The following DYNC2H1 variants were observed in gnomAD, a reference collection of about 807,000 sequenced individuals.
The protein encoded by DYNC2H1 is dynein cytoplasmic 2 heavy chain 1.
A neutral mutation model predicts 570.0 loss-of-function variants in DYNC2H1; 410 were observed. That is an observed-to-expected ratio of 0.72 (90% CI 0.66 to 0.78). DYNC2H1 has a LOEUF of 0.78. Among genes scored for constraint, DYNC2H1 ranks in the 30% least tolerant of loss-of-function variants. DYNC2H1 has a pLI of 0.00. For synonymous variants in DYNC2H1, 1,688 were observed against 1,677.6 expected (o/e 1.01, Z -0.15); for missense variants, 4,865 against 5,046.4 (o/e 0.96, Z 1.09).
At chr11:103,279,811 C>T (rs1200899653) in intron 70 of DYNC2H1, among the ~76,000 whole-genome samples, 2 of 152,154 alleles carry the variant, frequency 1.3e-5, no homozygotes, top group Non-Finnish European at 1.5e-5. Flanking sequence ...AGTGATAACA[C>T]ATTGAAGGAA....
At chr11:103,426,629 A>C (rs1374440892) in intron 84 of DYNC2H1, among the ~76,000 whole-genome samples, 2 of 152,206 alleles carry the variant, frequency 1.3e-5, no homozygotes, top group African/African-American at 4.8e-5. Flanking sequence ...AGATTTTTCA[A>C]CATCCATGCA....
At position 103,254,604 on chromosome 11, in the gene DYNC2H1, G is replaced by T. The variant is rs1269298927; in HGVS notation, c.10207-811G>T. Among the ~76,000 whole-genome samples the T allele has an allele frequency of 6.6e-6, 1 of 152,074 alleles. No individual in the cohort carries two copies. The highest frequency in any genetic ancestry group is 1.9e-4 in the East Asian group (1 of 5,192). ...TTGAGAAACAAATCTTTCCAAAGTG[G>T]CTGCACTATTTACTTTCCCACCAGA... On this transcript the variant is annotated intron_variant, in intron 66 of 88. Coordinates refer to ENST00000375735, the MANE Select transcript of DYNC2H1 (RefSeq NM_001377.3). This position sits in a 1 kb window ranked among gnomAD's most constrained non-coding sequence, Gnocchi z 4.9.
chr11:103,266,862 A>G (rs568457030), intron 70 of DYNC2H1, among the ~76,000 whole-genome samples: 1 of 152,320 alleles, frequency 6.6e-6, no homozygotes, highest in East Asian at 1.9e-4. Context: ...TGCTCAGGTT[A>G]AAACAGCCAG....
intron 84 of DYNC2H1, among the ~76,000 whole-genome samples, chr11:103,417,132 T>C (rs1371648766): frequency 1.3e-5 from 2 of 152,046 alleles, no homozygotes; most frequent in Non-Finnish European, 2.9e-5. Flanking sequence ...CAGGCTGGAG[T>C]ACAGTGGCAC....
chr11:103,211,941 C>A lies in DYNC2H1; in HGVS notation c.8692C>A (p.Gln2898Lys). The change falls in exon 54 of 89, where the codon CAG (glutamine) becomes AAG (lysine). Residue 2898 changes from glutamine to lysine, a missense_variant and splice_region_variant. This residue lies in a region of DYNC2H1 where 2,401 missense variants were observed against 2,454.6 expected (regional missense o/e 0.98). Transcript: ENST00000375735. Reference sequence around the variant, plus strand: ...ATTATTAAAAAGACAAAGTCATTTGCAGGTATAGTATTGGTAATCTTGAAT... The same window carrying A: ...ATTATTAAAAAGACAAAGTCATTTGAAGGTATAGTATTGGTAATCTTGAAT... ...KELLKRQSHL[Q>K]AGVSKLNEAK... The A allele has an allele frequency of 6.6e-7, 1 of 1,518,674 alleles. No individual in the cohort carries two copies. The highest frequency in any genetic ancestry group is 8.8e-7 in the Non-Finnish European group (1 of 1,132,492). The allele number at this position is 1,518,674 out of a possible 1,614,324, so 94.1% of individuals were successfully genotyped here. A position where few individuals can be genotyped will look rare whatever the true frequency, so the allele number is the denominator to read the frequency against.
intron 11 of DYNC2H1, among the ~76,000 whole-genome samples, chr11:103,124,404 G>A (rs546930576): frequency 6.9e-4 from 91 of 131,970 alleles, no homozygotes; most frequent in African/African-American, 2.5e-3. Context: ...CATGATCGCT[G>A]TACTGCACTC....
intron 63 of DYNC2H1, among the ~76,000 whole-genome samples, chr11:103,242,993 G>A (rs533878565): frequency 5.3e-5 from 8 of 152,026 alleles, no homozygotes; most frequent in Non-Finnish European, 8.8e-5. Context: ...CCACCACACC[G>A]GGCCTGACTT....
intron 87 of DYNC2H1, among the ~76,000 whole-genome samples, chr11:103,457,374 T>C (rs1346483938): frequency 6.6e-6 from 1 of 152,120 alleles, no homozygotes; most frequent in Non-Finnish European, 1.5e-5. Context: ...ATTGTAACCA[T>C]AGGAGATGAC....
intron 81 of DYNC2H1, among the ~76,000 whole-genome samples, chr11:103,321,961 T>C (rs1028822836): frequency 6.6e-6 from 1 of 152,164 alleles, no homozygotes; most frequent in African/African-American, 2.4e-5. Context: ...TTGTGCTGTT[T>C]CCTTTCATCC....
At chr11:103,310,053 C>CAT (rs1252358404) in intron 78 of DYNC2H1, among the ~76,000 whole-genome samples, 2 of 151,898 alleles carry the variant, frequency 1.3e-5, no homozygotes, top group South Asian at 2.1e-4. Flanking sequence ...TATGTATGTG[C>CAT]ATATATATAA....
intron 47 of DYNC2H1, among the ~76,000 whole-genome samples, chr11:103,194,701 A>G (rs1223078357): frequency 6.6e-6 from 1 of 151,552 alleles, no homozygotes; most frequent in African/African-American, 2.4e-5. Flanking sequence ...CATTTCTTTT[A>G]TCCATTTTTC....
At chr11:103,345,824 T>G (rs1400200717) in intron 82 of DYNC2H1, among the ~76,000 whole-genome samples, 1 of 152,168 alleles carries the variant, frequency 6.6e-6, no homozygotes. Context: ...AAGAGAGATG[T>G]TAGAAAACAG....
chr11:103,346,264 C>A (rs533725008), intron 82 of DYNC2H1, among the ~76,000 whole-genome samples: 49 of 152,238 alleles, frequency 3.2e-4, no homozygotes, highest in Admixed American at 1.3e-3. Context: ...TTAGAAAAGT[C>A]ACAAGTTCTT....
At position 103,219,948 on chromosome 11, in the gene DYNC2H1, C is replaced by A; in HGVS notation, c.8866C>A (p.Leu2956Met). ...TGAGCAAAAAACAGAACTTGAAAGA[C>A]TGAAGCACAGAATAGCAGAAGAAGT... Reference protein sequence around the residue: ...ASEQKTELERLKHRIAEEVVK... With the variant: ...ASEQKTELERMKHRIAEEVVK... The change falls in exon 56 of 89, where the codon CTG becomes ATG. Residue 2956 changes from leucine to methionine, a missense_variant. Transcript: ENST00000375735. The A allele has an allele frequency of 6.6e-7, 1 of 1,519,144 alleles. No individual in the cohort carries two copies. Among genetic ancestry groups the A allele is most frequent in the Admixed American group, 2.5e-5 (1 of 40,014 alleles). 94.1% of individuals were successfully genotyped at this position (1,519,144 alleles called of 1,614,324 possible).
intron 66 of DYNC2H1, 142 bp downstream of exon 66, chr11:103,253,590 G>A (rs1864927060): frequency 1.2e-6 from 1 of 806,644 alleles, no homozygotes; most frequent in South Asian, 2.6e-5. Flanking sequence ...ATGTTGGAGT[G>A]AAGCATTCTG....
At chr11:103,294,360 C>A (rs1866735321) in intron 75 of DYNC2H1, among the ~76,000 whole-genome samples, 1 of 152,072 alleles carries the variant, frequency 6.6e-6, no homozygotes, top group Non-Finnish European at 1.5e-5. Context: ...CTTGAGAGGG[C>A]TTTCTAGGAA....
Position 103,324,675 on chromosome 11 carries a change from A to G in DYNC2H1, c.12039+685A>G, listed in dbSNP as rs1199712505. On this transcript the variant is annotated intron_variant, in intron 82 of 88. Coordinates refer to ENST00000375735, the MANE Select transcript of DYNC2H1 (RefSeq NM_001377.3). The surrounding 1 kb of genome is among the most constrained non-coding windows in gnomAD (Gnocchi z 5.2). ...GTGGGTAGTGCTGCAGTGAACATTC[A>G]TGTGCATATGTCTTTATGGTAGAAC... is the stretch of plus-strand genomic sequence containing the variant. Among the ~76,000 whole-genome samples the G allele has an allele frequency of 6.6e-6, 1 of 152,162 alleles. No individual in the cohort carries two copies. The highest frequency in any genetic ancestry group is 2.4e-5 in the African/African-American group (1 of 41,424).
chr11:103,131,119 C>T (rs745363958), intron 13 of DYNC2H1, among the ~76,000 whole-genome samples: 17 of 152,082 alleles, frequency 1.1e-4, no homozygotes, highest in Non-Finnish European at 1.9e-4. Context: ...AACTTTTCTT[C>T]TATTTAGGTT....
rs561166030 is a variant in DYNC2H1 at position 103,304,915 on chromosome 11, T to G, written c.11382+195T>G. Among the ~76,000 whole-genome samples the G allele has an allele frequency of 1.1e-3, 163 of 152,286 alleles. 1 individual carries two copies. The highest frequency in any genetic ancestry group is 3.9e-3 in the African/African-American group (160 of 41,558). On this transcript the variant is annotated intron_variant, in intron 77 of 88. Coordinates refer to ENST00000375735, the MANE Select transcript of DYNC2H1 (RefSeq NM_001377.3). Reference sequence around the variant, plus strand: ...ATTAATAGGAAGTCTATAAAAATCTTTTTTTAAAGGCATATAAGAGAAGCC... The same window carrying G: ...ATTAATAGGAAGTCTATAAAAATCTGTTTTTAAAGGCATATAAGAGAAGCC...
Sources: allele counts gnomAD v4.1 joint callset (sites outside exome capture counted in the v4.1 genomes callset), GRCh38; gene constraint gnomAD v4.1.1; regional missense constraint gnomAD v4.1.1; non-coding constraint Gnocchi (gnomAD v3.1); transcripts MANE v1.5; gene names NCBI Gene and HGNC (gene_info 2026-07-23, HGNC 2026-07-21).